Variants in FAM107B observed in about 807,000 individuals in gnomAD.
FAM107B encodes the protein protein FAM107B.
A neutral mutation model predicts 31.5 loss-of-function variants in FAM107B; 21 were observed. That is an observed-to-expected ratio of 0.67 (90% CI 0.47 to 0.96). FAM107B has a LOEUF of 0.96. FAM107B is among the 40% of genes least tolerant of loss of function. The pLI is 0.00. For synonymous variants in FAM107B, 157 were observed against 141.5 expected, an observed-to-expected ratio of 1.11 and a Z score of -0.78; for missense variants, 452 against 377.1, an observed-to-expected ratio of 1.20 and a Z score of -1.64.
intron 2 of FAM107B, among the ~76,000 whole-genome samples, chr10:14,543,179 G>T (rs1304567023): frequency 2.0e-5 from 3 of 152,136 alleles, no homozygotes; most frequent in Non-Finnish European, 4.4e-5. Context: ...ACGTTCTGTG[G>T]TCTAACAGTG....
At chr10:14,589,980 T>C (rs1851963682) in intron 2 of FAM107B, among the ~76,000 whole-genome samples, 2 of 152,108 alleles carry the variant, frequency 1.3e-5, no homozygotes, top group Non-Finnish European at 2.9e-5. Context: ...GTCATGAGGA[T>C]CCAAAAATGA....
intron 1 of FAM107B, among the ~76,000 whole-genome samples, chr10:14,703,097 C>G (rs146309257): frequency 6.6e-6 from 1 of 152,272 alleles, no homozygotes; most frequent in Non-Finnish European, 1.5e-5. Context: ...TATTCCCCAT[C>G]TCTCCCTCCC....
At chr10:14,595,154 G>A (rs890652535) in intron 2 of FAM107B, among the ~76,000 whole-genome samples, 7 of 152,076 alleles carry the variant, frequency 4.6e-5, no homozygotes, top group African/African-American at 1.7e-4. Context: ...GGGGGAGGCT[G>A]CCCACCCTTA....
intron 1 of FAM107B, among the ~76,000 whole-genome samples, chr10:14,700,105 GTATTTT>G (rs1855360047): frequency 6.6e-6 from 1 of 151,940 alleles, no homozygotes. Context: ...GCTAATTTTC[GTATTTT>G]TAGTAGAGAC....
intron 1 of FAM107B, among the ~76,000 whole-genome samples, chr10:14,720,461 C>G (rs375729265): frequency 4.4e-4 from 67 of 152,264 alleles, no homozygotes; most frequent in African/African-American, 1.6e-3. Context: ...ACCATGTTGG[C>G]CAGGCTGGTC....
intron 2 of FAM107B, among the ~76,000 whole-genome samples, chr10:14,573,681 T>C (rs745582051): frequency 7.2e-5 from 11 of 151,770 alleles, no homozygotes; most frequent in African/African-American, 2.2e-4. Context: ...GAGGCAGAGG[T>C]TGCAGTAAGC....
At chr10:14,740,451 G>A (rs374888353) in intron 1 of FAM107B, among the ~76,000 whole-genome samples, 5 of 152,186 alleles carry the variant, frequency 3.3e-5, no homozygotes, top group Admixed American at 6.5e-5. Flanking sequence ...ATTGGGGTAC[G>A]GGGGAAGGAG....
At chr10:14,627,029 CG>C (rs1415043205) in intron 2 of FAM107B, among the ~76,000 whole-genome samples, 1 of 152,090 alleles carries the variant, frequency 6.6e-6, no homozygotes, top group Non-Finnish European at 1.5e-5. Flanking sequence ...CTTACCTCTC[CG>C]GATGCTCTTA....
At chr10:14,733,254 T>G (rs1856215932) in intron 1 of FAM107B, among the ~76,000 whole-genome samples, 1 of 152,060 alleles carries the variant, frequency 6.6e-6, no homozygotes, top group Admixed American at 6.6e-5. Flanking sequence ...GCAATCAACC[T>G]CACCTGCGTT....
At chr10:14,574,805 G>A (rs1180331493) in intron 2 of FAM107B, among the ~76,000 whole-genome samples, 1 of 152,050 alleles carries the variant, frequency 6.6e-6, no homozygotes, top group Non-Finnish European at 1.5e-5. Flanking sequence ...GTCATATATG[G>A]CCCTATAAAT....
chr10:14,573,983 A>G (rs1210365604), intron 2 of FAM107B, among the ~76,000 whole-genome samples: 1 of 151,970 alleles, frequency 6.6e-6, no homozygotes, highest in African/African-American at 2.4e-5. Context: ...TACCCTTCCC[A>G]TGACACAGGG....
intron 2 of FAM107B, among the ~76,000 whole-genome samples, chr10:14,599,448 G>GC (rs969962065): frequency 2.0e-5 from 3 of 152,082 alleles, no homozygotes; most frequent in Non-Finnish European, 2.9e-5. Flanking sequence ...ACTTACACAC[G>GC]CCCCCAACAC....
intron 1 of FAM107B, among the ~76,000 whole-genome samples, chr10:14,741,767 C>T (rs1367116618): frequency 4.4e-5 from 6 of 137,250 alleles, no homozygotes; most frequent in African/African-American, 1.7e-4. Flanking sequence ...GTCGCCCAGG[C>T]TGGAGTGCAG....
chr10:14,560,783 CTATCATCA>C (rs1322871028), intron 2 of FAM107B, among the ~76,000 whole-genome samples: 1 of 152,196 alleles, frequency 6.6e-6, no homozygotes, highest in Non-Finnish European at 1.5e-5. Flanking sequence ...ACCTCCATTC[CTATCATCA>C]AAATGGTTCA....
chr10:14,689,637 C>G lies in FAM107B; in HGVS notation c.412-21946G>C, dbSNP rs1855079048. ...ACTACTTAAGGAACAAAGCCTCTGA[C>G]AATATTTTTCGCTTTTAATTTTTGT... On this transcript the variant is annotated intron_variant, in intron 1 of 4. Coordinates refer to ENST00000181796, the MANE Select transcript of FAM107B (RefSeq NM_031453.4). Among the ~76,000 whole-genome samples, 4 of 152,010 alleles carry G rather than the reference C, an allele frequency of 2.6e-5. No homozygotes were observed. The South Asian group carries it at 6.2e-4, about 24-fold the overall frequency.
chr10:14,682,673 T>G (rs574829696), intron 1 of FAM107B, among the ~76,000 whole-genome samples: 1 of 152,074 alleles, frequency 6.6e-6, no homozygotes, highest in Admixed American at 6.6e-5. Context: ...TTCTCACTTA[T>G]AAGTGGGAGT....
intron 2 of FAM107B, chr10:14,661,498 G>A (rs1240279139): frequency 6.6e-6 from 1 of 152,246 alleles, no homozygotes; most frequent in African/African-American, 2.4e-5. Flanking sequence ...TGATTGAGCT[G>A]GGACATCAGT....
chr10:14,761,703 G>A (rs1452831514), intron 1 of FAM107B, among the ~76,000 whole-genome samples: 2 of 151,928 alleles, frequency 1.3e-5, no homozygotes, highest in African/African-American at 2.4e-5. Flanking sequence ...AGATTCAAGC[G>A]ATTCTCCCAC....
At chr10:14,688,229 C>A (rs1855036973) in intron 1 of FAM107B, among the ~76,000 whole-genome samples, 1 of 152,228 alleles carries the variant, frequency 6.6e-6, no homozygotes, top group Non-Finnish European at 1.5e-5. Context: ...GCCAGGGGCT[C>A]TCGGGCCTTT....
Sources: allele counts gnomAD v4.1 joint callset (sites outside exome capture counted in the v4.1 genomes callset), GRCh38; gene constraint gnomAD v4.1.1; transcripts MANE v1.5; gene names NCBI Gene and HGNC (gene_info 2026-07-23, HGNC 2026-07-21).